SCFD2: variants seen among roughly 807,000 people sequenced by gnomAD.
SCFD2 encodes the protein sec1 family domain-containing protein 2.
SCFD2 carries 54 observed loss-of-function variants against 58.9 expected under a neutral mutation model. The observed-to-expected ratio is 0.92, with a 90% CI of 0.74 to 1.15. The LOEUF (loss-of-function observed/expected upper bound fraction) is 1.15, where lower values mean the gene tolerates loss of function less well. Among genes scored for constraint, SCFD2 ranks in the 50% most tolerant of loss-of-function variants. SCFD2 has a pLI of 0.00. For missense variants in SCFD2, 805 were observed against 836.6 expected, an observed-to-expected ratio of 0.96 and a Z score of 0.47; for synonymous variants, 321 against 335.9, an observed-to-expected ratio of 0.96 and a Z score of 0.49.
chr4:53,113,115 T>G (rs189076120), intron 5 of SCFD2, among the ~76,000 whole-genome samples: 15 of 152,166 alleles, frequency 9.9e-5, no homozygotes, highest in Admixed American at 9.8e-4. Flanking sequence ...ACCCAATCCC[T>G]TTGCCTTTTG....
At chr4:53,150,898 T>C (rs1322041260) in intron 4 of SCFD2, among the ~76,000 whole-genome samples, 8 of 152,218 alleles carry the variant, frequency 5.3e-5, no homozygotes, top group Admixed American at 4.6e-4. Flanking sequence ...GAGGGCTAAT[T>C]TGGGGAAAGT....
chr4:53,297,722 G>A (rs963993862), intron 3 of SCFD2, among the ~76,000 whole-genome samples: 23 of 152,116 alleles, frequency 1.5e-4, no homozygotes, highest in Admixed American at 7.9e-4. Flanking sequence ...TATTTTGCCC[G>A]TTAGTTGATG....
chr4:53,244,630 T>A (rs1244102592), intron 4 of SCFD2, among the ~76,000 whole-genome samples: 1 of 151,964 alleles, frequency 6.6e-6, no homozygotes, highest in Non-Finnish European at 1.5e-5. Flanking sequence ...AATGTCCACA[T>A]CAGAAAGTCT....
chr4:53,095,374 CATCTA>C (rs1207567188), intron 5 of SCFD2, among the ~76,000 whole-genome samples: 1 of 151,560 alleles, frequency 6.6e-6, no homozygotes, highest in Non-Finnish European at 1.5e-5. Flanking sequence ...TTATATCTCA[CATCTA>C]ATCCTCCAGA....
chr4:53,027,581 A>C (rs1314432913), intron 5 of SCFD2, among the ~76,000 whole-genome samples: 3 of 152,246 alleles, frequency 2.0e-5, no homozygotes, highest in Non-Finnish European at 4.4e-5. Context: ...TAATTCCAGC[A>C]TGTTGGGAGG....
At chr4:53,195,180 G>A (rs182872419) in intron 4 of SCFD2, among the ~76,000 whole-genome samples, 32 of 152,200 alleles carry the variant, frequency 2.1e-4, no homozygotes, top group African/African-American at 7.0e-4. Flanking sequence ...TTTAAAAATC[G>A]AGTGCTGTAA....
chr4:53,303,248 T>C (rs1353819678), intron 3 of SCFD2, among the ~76,000 whole-genome samples: 1 of 152,032 alleles, frequency 6.6e-6, no homozygotes, highest in African/African-American at 2.4e-5. Context: ...CTCAAATACA[T>C]TTACAAGAAA....
chr4:52,885,763 A>C lies in SCFD2; in HGVS notation c.1946T>G (p.Leu649Trp). Reference protein sequence around the residue: ...VKMVKDLVASLKPGTQVIVLS... With the variant: ...VKMVKDLVASWKPGTQVIVLS... The stretch of plus-strand genomic sequence containing the variant: ...ACTCAGTACCTGGGTTCCTGGCTTC[A>C]ACGATGCCACAAGATCTTTGACCAT... The change falls in exon 8 of 9, where the codon TTG becomes TGG. Residue 649 changes from leucine (L) to tryptophan (W), a missense_variant. Physicochemically the swap from Leu to Trp is moderately conservative, Grantham distance 61. Transcript: ENST00000401642. 1 of 1,614,036 alleles carries C rather than the reference A, an allele frequency of 6.2e-7. No homozygotes were observed.
At chr4:53,326,422 C>T (rs1274792290) in intron 2 of SCFD2, among the ~76,000 whole-genome samples, 1 of 152,120 alleles carries the variant, frequency 6.6e-6, no homozygotes, top group Non-Finnish European at 1.5e-5. Flanking sequence ...GGATCACAGG[C>T]ATGAGCCACT....
intron 5 of SCFD2, among the ~76,000 whole-genome samples, chr4:52,984,139 G>C (rs937927872): frequency 6.6e-6 from 1 of 152,222 alleles, no homozygotes; most frequent in Non-Finnish European, 1.5e-5. Flanking sequence ...GCCCCTGCCA[G>C]GTTCCCAAAC....
chr4:53,047,815 TCAGAAATGGGCATCTC>T (rs1659481323), intron 5 of SCFD2, among the ~76,000 whole-genome samples: 1 of 152,198 alleles, frequency 6.6e-6, no homozygotes, highest in Non-Finnish European at 1.5e-5. Flanking sequence ...TTAAACTGTC[TCAGAAATGGGCATCTC>T]CAGTAGGTAA....
Position 52,880,719 on chromosome 4 carries a change from C to T in SCFD2, c.1962+5028G>A, listed in dbSNP as rs534641354. ...GGTGCGGCAAGCACGTGCCTTGCTA[C>T]GAAAGCAGTGGATGGGGGTCAACTT... On this transcript the variant is annotated intron_variant, in intron 8 of 8. Coordinates refer to ENST00000401642, the MANE Select transcript of SCFD2 (RefSeq NM_152540.4). Among the ~76,000 whole-genome samples the T allele has an allele frequency of 8.6e-4, 131 of 152,326 alleles. 1 individual carries two copies. The highest frequency in any genetic ancestry group is 2.6e-3 in the African/African-American group (108 of 41,578).
intron 5 of SCFD2, among the ~76,000 whole-genome samples, chr4:53,142,344 T>G (rs1726193963): frequency 6.6e-6 from 1 of 152,240 alleles, no homozygotes; most frequent in African/African-American, 2.4e-5. Context: ...AAAGTAGAAT[T>G]GTTATTCAAT....
chr4:53,220,396 G>A (rs1162193294), intron 4 of SCFD2, among the ~76,000 whole-genome samples: 2 of 152,162 alleles, frequency 1.3e-5, no homozygotes, highest in Non-Finnish European at 2.9e-5. Flanking sequence ...TGTGAAGGCA[G>A]GGACTCTGTA....
intron 2 of SCFD2, among the ~76,000 whole-genome samples, chr4:53,330,004 G>C (rs899990533): frequency 6.6e-6 from 1 of 151,766 alleles, no homozygotes; most frequent in African/African-American, 2.4e-5. Flanking sequence ...AGCGATGGAA[G>C]ATGAAATGAA....
In SCFD2 at chr4:53,229,449, A is replaced by G. The variant is rs577188373; in HGVS notation, c.1311+44377T>C. 2.6e-5 allele frequency among the ~76,000 whole-genome samples: 4 copies of G among 152,234 alleles called. No homozygotes were observed. In the East Asian group the frequency reaches 5.8e-4, roughly 22 times the overall value. On this transcript the variant is annotated intron_variant, in intron 4 of 8. Transcript: ENST00000401642. ...TATAGACCAATGGAACAGAACAGAG[A>G]CCTCAGAAATAATGCCATGTATCTA...
chr4:53,236,522 T>A (rs922220841), intron 4 of SCFD2, among the ~76,000 whole-genome samples: 1 of 150,004 alleles, frequency 6.7e-6, no homozygotes, highest in African/African-American at 2.4e-5. Context: ...ATTCAAAAGC[T>A]ATTTTTCTTA....
intron 2 of SCFD2, among the ~76,000 whole-genome samples, chr4:53,340,380 G>C (rs1262311742): frequency 6.6e-6 from 1 of 152,218 alleles, no homozygotes; most frequent in African/African-American, 2.4e-5. Flanking sequence ...AGCAGTCTGA[G>C]ATCAAACTAC....
At chr4:52,918,750 C>T in intron 6 of SCFD2, among the ~76,000 whole-genome samples, 1 of 152,150 alleles carries the variant, frequency 6.6e-6, no homozygotes, top group East Asian at 1.9e-4. Flanking sequence ...CATGTCCCCT[C>T]ACTGCCACCC....
Sources: gnomAD v4.1 joint callset for allele counts (sites outside exome capture counted in the v4.1 genomes callset) on GRCh38, gnomAD v4.1.1 for gene constraint, MANE v1.5 for transcripts, NCBI Gene and HGNC (gene_info 2026-07-23, HGNC 2026-07-21) for gene names.